The following GAS2L3 variants were observed in gnomAD, a reference collection of about 807,000 sequenced individuals.
GAS2L3 encodes the protein GAS2-like protein 3.
GAS2L3 carries 28 observed loss-of-function variants against 37.0 expected under a neutral mutation model. The observed-to-expected ratio is 0.76, with a 90% CI of 0.56 to 1.04. The LOEUF (loss-of-function observed/expected upper bound fraction) is 1.04, where lower values mean the gene tolerates loss of function less well. GAS2L3 is among the 50% of genes least tolerant of loss of function. The pLI, the probability that GAS2L3 is intolerant of heterozygous loss-of-function variation, is 0.00. For synonymous variants in GAS2L3, 290 were observed against 296.6 expected (o/e 0.98, Z 0.23); for missense variants, 793 against 817.6 (o/e 0.97, Z 0.37).
chr12:100,594,370 A>T (rs1955883950), intron 2 of GAS2L3, among the ~76,000 whole-genome samples: 1 of 152,070 alleles, frequency 6.6e-6, no homozygotes, highest in South Asian at 2.1e-4. Context: ...ATTTTGGTTC[A>T]CAGTTAAAAT....
chr12:100,585,782 G>C (rs2136400691), intron 1 of GAS2L3, among the ~76,000 whole-genome samples: 1 of 152,204 alleles, frequency 6.6e-6, no homozygotes, highest in Admixed American at 6.5e-5. Context: ...CTTTCCAGTG[G>C]AGACTGTTAG....
chr12:100,579,710 C>T lies in GAS2L3; in HGVS notation c.-152+5925C>T. On this transcript the variant is annotated intron_variant, in intron 1 of 9. Coordinates refer to ENST00000547754, the MANE Select transcript of GAS2L3 (RefSeq NM_174942.3). ...GCATGGCGATCATGGAAGCAGCCAGCTGTGGTTTACAGGTTGTAAGTACCA... is the reference window on the plus strand; with the variant it reads ...GCATGGCGATCATGGAAGCAGCCAGTTGTGGTTTACAGGTTGTAAGTACCA... 2.6e-6 allele frequency: 2 copies of T among 770,818 alleles called. 1 individual carries two copies. The highest frequency in any genetic ancestry group is 4.8e-6 in the Non-Finnish European group (2 of 416,670). 47.7% of individuals were successfully genotyped at this position (770,818 alleles called of 1,614,324 possible).
intron 8 of GAS2L3, among the ~76,000 whole-genome samples, chr12:100,621,928 T>C (rs1000075347): frequency 1.4e-4 from 18 of 130,718 alleles, no homozygotes; most frequent in Admixed American, 4.5e-4. Flanking sequence ...AGAGAGGCAC[T>C]GAGAGAGAGA....
At chr12:100,608,505 G>A (rs1565808075) in intron 5 of GAS2L3, among the ~76,000 whole-genome samples, 1 of 152,170 alleles carries the variant, frequency 6.6e-6, no homozygotes, top group Non-Finnish European at 1.5e-5. Flanking sequence ...GTCCAGAGAT[G>A]CTGTCTAGGA....
intron 8 of GAS2L3, among the ~76,000 whole-genome samples, chr12:100,619,962 A>AT (rs1956233659): frequency 6.6e-6 from 1 of 152,038 alleles, no homozygotes; most frequent in Non-Finnish European, 1.5e-5. Context: ...CACTAGCAAG[A>AT]TTTTTTAAAA....
At chr12:100,581,652 A>G (rs1438925750) in intron 1 of GAS2L3, among the ~76,000 whole-genome samples, 1 of 152,214 alleles carries the variant, frequency 6.6e-6, no homozygotes, top group Non-Finnish European at 1.5e-5. Context: ...GAAGTTAGGG[A>G]GTTCTTTTGT....
chr12:100,583,401 C>T (rs1955738182), intron 1 of GAS2L3, among the ~76,000 whole-genome samples: 1 of 152,232 alleles, frequency 6.6e-6, no homozygotes, highest in Non-Finnish European at 1.5e-5. Context: ...TGTATGAATT[C>T]CTGAGTAGCT....
chr12:100,621,368 T>C (rs934730996), intron 8 of GAS2L3, among the ~76,000 whole-genome samples: 1 of 152,126 alleles, frequency 6.6e-6, no homozygotes, highest in East Asian at 1.9e-4. Context: ...TATTTCCATT[T>C]CCATGTTTTA....
chr12:100,584,403 C>T (rs1439051412), intron 1 of GAS2L3, among the ~76,000 whole-genome samples: 1 of 152,182 alleles, frequency 6.6e-6, no homozygotes, highest in African/African-American at 2.4e-5. Flanking sequence ...TGGATTTTCA[C>T]AGGTCTTGTT....
intron 1 of GAS2L3, among the ~76,000 whole-genome samples, chr12:100,580,670 A>G (rs73381915): frequency 0.027 from 4,070 of 152,286 alleles, 178 homozygotes; most frequent in African/African-American, 0.093. Context: ...TTAGAAATCT[A>G]AGTCATGCCT....
chr12:100,623,171 A>T (rs1426226937), intron 9 of GAS2L3, among the ~76,000 whole-genome samples: 2 of 152,158 alleles, frequency 1.3e-5, no homozygotes, highest in African/African-American at 4.8e-5. Flanking sequence ...AGGCAGTATG[A>T]TGTAGTAGTG....
chr12:100,608,787 A>C (rs1956090353), intron 5 of GAS2L3, among the ~76,000 whole-genome samples: 1 of 152,150 alleles, frequency 6.6e-6, no homozygotes, highest in African/African-American at 2.4e-5. Flanking sequence ...CTGGGATTAC[A>C]GGATTGAGCT....
chr12:100,623,713 G>C lies in GAS2L3; in HGVS notation c.908G>C (p.Ser303Thr), dbSNP rs1956288674. The change falls in exon 10 of 10, where the codon AGT becomes ACT. Residue 303 changes from serine to threonine, a missense_variant. Transcript: ENST00000547754. ...LAFQKGVSNE[S>T]VPDSPARTPQ... ...TTTCAAAAAGGAGTTTCTAATGAAAGTGTACCTGATTCGCCTGCCAGAACA... is the reference window on the plus strand; with the variant it reads ...TTTCAAAAAGGAGTTTCTAATGAAACTGTACCTGATTCGCCTGCCAGAACA... 2 of 1,613,862 alleles carry C rather than the reference G, an allele frequency of 1.2e-6. No individual in the cohort carries two copies. The highest frequency in any genetic ancestry group is 1.7e-5 in the Admixed American group (1 of 59,972).
intron 1 of GAS2L3, chr12:100,578,837 ACCCATAAT>A: frequency 4.3e-6 from 3 of 703,756 alleles, no homozygotes; most frequent in Non-Finnish European, 7.9e-6. Context: ...TAGAACCCAT[ACCCATAAT>A]ATATGTATGG....
At chr12:100,604,287 G>T (rs1956028579) in intron 5 of GAS2L3, among the ~76,000 whole-genome samples, 1 of 151,430 alleles carries the variant, frequency 6.6e-6, no homozygotes, top group African/African-American at 2.4e-5. Context: ...TTAGTGTTTT[G>T]TTTATTGTAG....
intron 6 of GAS2L3, chr12:100,612,382 G>A (rs189932004): frequency 9.0e-4 from 370 of 412,574 alleles, no homozygotes; most frequent in Non-Finnish European, 1.3e-3. Context: ...TCCTAAATGA[G>A]TTGGCTACAG....
At chr12:100,581,246 C>T (rs760576872) in intron 1 of GAS2L3, among the ~76,000 whole-genome samples, 1 of 152,148 alleles carries the variant, frequency 6.6e-6, no homozygotes, top group Non-Finnish European at 1.5e-5. Context: ...GTGCAAAAGG[C>T]TTTATTTCAG....
chr12:100,603,077 G>A (rs866972614), intron 5 of GAS2L3, among the ~76,000 whole-genome samples: 69 of 152,058 alleles, frequency 4.5e-4, no homozygotes, highest in African/African-American at 1.4e-3. Context: ...CCAAATCTTG[G>A]TTATTGAGAA....
chr12:100,609,446 C>T (rs934492443), intron 5 of GAS2L3, among the ~76,000 whole-genome samples: 1 of 152,152 alleles, frequency 6.6e-6, no homozygotes, highest in East Asian at 1.9e-4. Flanking sequence ...AGTTGCTGCG[C>T]TCCCTGTCTC....
Sources: gnomAD v4.1 joint callset for allele counts (sites outside exome capture counted in the v4.1 genomes callset) on GRCh38, gnomAD v4.1.1 for gene constraint, MANE v1.5 for transcripts, NCBI Gene and HGNC (gene_info 2026-07-23, HGNC 2026-07-21) for gene names.